Variants in CACNA2D1 observed in about 807,000 individuals in gnomAD.
CACNA2D1 encodes calcium voltage-gated channel auxiliary subunit alpha2delta 1.
CACNA2D1 carries 53 observed loss-of-function variants against 171.5 expected under a neutral mutation model. The observed-to-expected ratio is 0.31, with a 90% CI of 0.25 to 0.39. The LOEUF (loss-of-function observed/expected upper bound fraction) is 0.39, where lower values mean the gene tolerates loss of function less well. CACNA2D1 is among the 10% of genes least tolerant of loss of function. The pLI is 1.00. For missense variants in CACNA2D1, 903 were observed against 1,299.8 expected (o/e 0.69, Z 4.69); for synonymous variants, 442 against 443.1 (o/e 1.00, Z 0.03).
At chr7:82,313,993 T>C (rs1412680693) in intron 3 of CACNA2D1, among the ~76,000 whole-genome samples, 1 of 152,188 alleles carries the variant, frequency 6.6e-6, no homozygotes, top group Non-Finnish European at 1.5e-5. Flanking sequence ...ACTACTGTAG[T>C]AAACATTCTT....
rs1336162825 is a variant in CACNA2D1, at chr7:82,349,662, G to A, written c.96-13C>T. 6.3e-7 allele frequency: 1 copy of A among 1,596,098 alleles called. No individual in the cohort carries two copies. The highest frequency in any genetic ancestry group is 8.6e-7 in the Non-Finnish European group (1 of 1,163,684). ...CCATGATTTGATACTGCAGAAATCAGAAAAGATTATGTTCTATCAGATCTC... is the reference window on the plus strand; with the variant it reads ...CCATGATTTGATACTGCAGAAATCAAAAAAGATTATGTTCTATCAGATCTC... On this transcript the variant is annotated splice_polypyrimidine_tract_variant and intron_variant, in intron 1 of 38. Transcript: ENST00000356860.
At chr7:82,366,187 C>T (rs1432350355) in intron 1 of CACNA2D1, among the ~76,000 whole-genome samples, 1 of 151,682 alleles carries the variant, frequency 6.6e-6, no homozygotes, top group African/African-American at 2.4e-5. Context: ...TATTTGACAC[C>T]GTCATTGAAA....
chr7:82,178,186 G>A (rs550762995), intron 3 of CACNA2D1, among the ~76,000 whole-genome samples: 483 of 152,192 alleles, frequency 3.2e-3, no homozygotes, highest in South Asian at 0.013. Context: ...AGCTTCTGGA[G>A]TGTGTCCTAT....
chr7:82,181,431 G>A (rs1047289800), intron 3 of CACNA2D1, among the ~76,000 whole-genome samples: 12 of 152,268 alleles, frequency 7.9e-5, no homozygotes, highest in South Asian at 2.1e-4. Flanking sequence ...GCCCAGACCC[G>A]CTGGGGCAGC....
intron 38 of CACNA2D1, among the ~76,000 whole-genome samples, chr7:81,952,900 C>A (rs904472595): frequency 6.6e-6 from 1 of 152,052 alleles, no homozygotes; most frequent in African/African-American, 2.4e-5. Context: ...TCAAACTTGA[C>A]TTGCCTTGCC....
intron 5 of CACNA2D1, among the ~76,000 whole-genome samples, chr7:82,124,791 C>T (rs60902035): frequency 0.21 from 32,670 of 151,974 alleles, 3,932 homozygotes; most frequent in African/African-American, 0.33. Flanking sequence ...CACCCTCCAC[C>T]GGTAACACCT....
intron 10 of CACNA2D1, among the ~76,000 whole-genome samples, chr7:82,060,156 T>A (rs533310823): frequency 2.7e-5 from 1 of 37,594 alleles, no homozygotes; most frequent in African/African-American, 9.5e-5. Context: ...ATATGTATTA[T>A]ATATATATAA....
At chr7:82,257,925 C>T (rs1806494897) in intron 3 of CACNA2D1, among the ~76,000 whole-genome samples, 1 of 152,094 alleles carries the variant, frequency 6.6e-6, no homozygotes, top group South Asian at 2.1e-4. Flanking sequence ...AATGCATAAA[C>T]TTTGAGGCAG....
intron 7 of CACNA2D1, among the ~76,000 whole-genome samples, chr7:82,078,391 A>G (rs536889456): frequency 2.6e-5 from 4 of 152,286 alleles, no homozygotes; most frequent in African/African-American, 9.6e-5. Flanking sequence ...ATTTCAGGAG[A>G]TATTAACAGG....
At chr7:82,364,620 G>A (rs1328938694) in intron 1 of CACNA2D1, among the ~76,000 whole-genome samples, 1 of 152,130 alleles carries the variant, frequency 6.6e-6, no homozygotes, top group African/African-American at 2.4e-5. Flanking sequence ...GCCAGGGCTC[G>A]AATTAGAATC....
At chr7:82,115,957 C>A (rs895845336) in intron 6 of CACNA2D1, among the ~76,000 whole-genome samples, 1 of 152,110 alleles carries the variant, frequency 6.6e-6, no homozygotes, top group African/African-American at 2.4e-5. Context: ...AAAATGCCTA[C>A]TCAGAAATTT....
At position 81,965,766 on chromosome 7, in the gene CACNA2D1, A is replaced by C. The variant is rs566479443; in HGVS notation, c.2503-101T>G. The C allele has an allele frequency of 3.4e-5, 26 of 756,776 alleles. No homozygotes were observed. In the Admixed American group the frequency reaches 4.2e-4, roughly 12 times the overall value. The allele number at this position is 756,776 out of a possible 1,614,324, so 46.9% of individuals were successfully genotyped here. ...CATGATTAGAGCAATAAAAATAGAA[A>C]ATTTTAAATGCCTATCTTCTCTTGA... On this transcript the variant is annotated intron_variant, in intron 31 of 38. Coordinates refer to ENST00000356860, the MANE Select transcript of CACNA2D1 (RefSeq NM_000722.4).
chr7:82,330,149 A>C (rs1817143742), intron 3 of CACNA2D1, among the ~76,000 whole-genome samples: 1 of 152,194 alleles, frequency 6.6e-6, no homozygotes, highest in African/African-American at 2.4e-5. Context: ...TCAGCTCTTC[A>C]TAAGGCTGGT....
chr7:82,410,835 C>A (rs1827567138), intron 1 of CACNA2D1, among the ~76,000 whole-genome samples: 1 of 152,198 alleles, frequency 6.6e-6, no homozygotes, highest in Non-Finnish European at 1.5e-5. Flanking sequence ...CAGAAATGAT[C>A]CTCATGACTG....
intron 1 of CACNA2D1, among the ~76,000 whole-genome samples, chr7:82,387,859 T>C (rs974435590): frequency 2.6e-5 from 4 of 152,080 alleles, no homozygotes; most frequent in Non-Finnish European, 4.4e-5. Flanking sequence ...GGTAGGCACA[T>C]TTCTTGAGCT....
chr7:82,253,178 G>A (rs1344781187), intron 3 of CACNA2D1, among the ~76,000 whole-genome samples: 1 of 152,194 alleles, frequency 6.6e-6, no homozygotes, highest in South Asian at 2.1e-4. Context: ...TCATAACAAA[G>A]AGAATGAGAA....
chr7:82,171,605 G>A (rs1457836249), intron 3 of CACNA2D1, among the ~76,000 whole-genome samples: 1 of 152,032 alleles, frequency 6.6e-6, no homozygotes, highest in Non-Finnish European at 1.5e-5. Flanking sequence ...TTAGAACAGT[G>A]CCTGGCACAA....
intron 7 of CACNA2D1, among the ~76,000 whole-genome samples, chr7:82,076,819 A>C (rs1329454309): frequency 2.0e-5 from 3 of 152,140 alleles, no homozygotes; most frequent in Admixed American, 6.5e-5. Flanking sequence ...TTTCTATAAC[A>C]AACTATTGGA....
intron 4 of CACNA2D1, among the ~76,000 whole-genome samples, chr7:82,160,014 T>C (rs991772212): frequency 1.3e-5 from 2 of 151,072 alleles, no homozygotes; most frequent in African/African-American, 2.4e-5. Flanking sequence ...AAAAATAAGA[T>C]GTACAAGATG....
Sources: gnomAD v4.1 joint callset for allele counts (sites outside exome capture counted in the v4.1 genomes callset) on GRCh38, gnomAD v4.1.1 for gene constraint, MANE v1.5 for transcripts, NCBI Gene and HGNC (gene_info 2026-07-23, HGNC 2026-07-21) for gene names.